The following MERTK variants were observed in gnomAD, a reference collection of about 807,000 sequenced individuals.
The protein encoded by MERTK is tyrosine-protein kinase Mer.
In MERTK, 69 loss-of-function variants were observed where a neutral mutation model predicts 99.3. The observed-to-expected ratio is 0.70, with a 90% confidence interval of 0.57 to 0.85. The LOEUF (loss-of-function observed/expected upper bound fraction) is 0.85. Among genes scored for constraint, MERTK ranks in the 40% least tolerant of loss-of-function variants. The pLI, the probability that MERTK is intolerant of heterozygous loss-of-function variation, is 0.00. For synonymous variants in MERTK, 426 were observed against 467.6 expected, an observed-to-expected ratio of 0.91 and a Z score of 1.15; for missense variants, 1,125 against 1,249.4, an observed-to-expected ratio of 0.90 and a Z score of 1.50.
At chr2:111,899,330 CA>C (rs372816330) in intron 1 of MERTK, among the ~76,000 whole-genome samples, 6 of 151,934 alleles carry the variant, frequency 3.9e-5, no homozygotes, top group South Asian at 2.1e-4. Context: ...AGCGACGGGC[CA>C]GGGGGGGACG....
intron 1 of MERTK, among the ~76,000 whole-genome samples, chr2:111,906,537 C>T (rs1026303374): frequency 1.3e-5 from 2 of 152,172 alleles, no homozygotes; most frequent in African/African-American, 4.8e-5. Context: ...GTCACTGTGC[C>T]GCTTAGGGAA....
In MERTK at chr2:111,917,367, G is replaced by A. The variant is rs371745781; in HGVS notation, c.62-11753G>A. ...TTCTCACTTGACTTTTGCTGGTGTGGATGGGGACGGGGCCGTGATGTGTTT... is the reference window on the plus strand; with the variant it reads ...TTCTCACTTGACTTTTGCTGGTGTGAATGGGGACGGGGCCGTGATGTGTTT... On this transcript the variant is annotated intron_variant, in intron 1 of 18. Coordinates refer to ENST00000295408, the MANE Select transcript of MERTK (RefSeq NM_006343.3). Among the ~76,000 whole-genome samples the A allele has an allele frequency of 2.6e-5, 4 of 152,260 alleles. No individual in the cohort carries two copies. The South Asian group carries it at 6.2e-4, about 24-fold the overall frequency.
At chr2:112,028,326 C>T (rs1677511783) in intron 18 of MERTK, 25 bp from the exon 19 acceptor site, 1 of 1,612,116 alleles carries the variant, frequency 6.2e-7, no homozygotes, top group African/African-American at 1.3e-5. Context: ...TGCTGGGAGA[C>T]AATCCACTTC....
intron 1 of MERTK, among the ~76,000 whole-genome samples, chr2:111,910,759 C>T (rs778829649): frequency 7.2e-5 from 11 of 152,034 alleles, no homozygotes; most frequent in Non-Finnish European, 1.5e-4. Flanking sequence ...CACATGTCCT[C>T]ACTCATAGGT....
At chr2:112,022,083 T>C in intron 17 of MERTK, among the ~76,000 whole-genome samples, 175 bp from the exon 18 acceptor site, 1 of 152,198 alleles carries the variant, frequency 6.6e-6, no homozygotes, top group Non-Finnish European at 1.5e-5. Context: ...AGTGGGGAAC[T>C]GTGACACTCC....
At chr2:111,900,444 T>C (rs1238504923) in intron 1 of MERTK, among the ~76,000 whole-genome samples, 1 of 152,216 alleles carries the variant, frequency 6.6e-6, no homozygotes, top group Non-Finnish European at 1.5e-5. Context: ...GCAAATCTGT[T>C]ATTTGTTGCT....
intron 2 of MERTK, among the ~76,000 whole-genome samples, chr2:111,933,455 T>A (rs1453848694): frequency 6.6e-6 from 1 of 152,162 alleles, no homozygotes; most frequent in Non-Finnish European, 1.5e-5. Flanking sequence ...GCAATTAAAA[T>A]CACTAGGGGC....
intron 2 of MERTK, 149 bp downstream of exon 2, chr2:111,929,689 C>T (rs1332378438): frequency 2.0e-5 from 11 of 546,820 alleles, no homozygotes; most frequent in Non-Finnish European, 2.8e-5. Context: ...TGAGTTCAAA[C>T]GATTCTCCTG....
chr2:111,980,205 T>TA (rs1369272463), intron 7 of MERTK, among the ~76,000 whole-genome samples: 1 of 152,128 alleles, frequency 6.6e-6, no homozygotes, highest in East Asian at 1.9e-4. Context: ...GAGGGGAAGG[T>TA]AGAGTCCTTG....
intron 13 of MERTK, among the ~76,000 whole-genome samples, chr2:112,004,738 C>T (rs1254548437): frequency 2.0e-5 from 3 of 152,044 alleles, no homozygotes; most frequent in South Asian, 2.1e-4. Context: ...GGTGAAACCC[C>T]GTCTCCACTA....
Position 111,971,848 on chromosome 2 carries a change from T to C in MERTK, c.961-3441T>C, listed in dbSNP as rs117910730. 3.2e-4 allele frequency among the ~76,000 whole-genome samples: 49 copies of C among 152,360 alleles called. 1 individual carries two copies. The East Asian group carries it at 7.9e-3, about 25-fold the overall frequency. ...TTAGAGTCTTCAGTCTTCTGTTGCC[T>C]TGCTGATACTCTGTCTCATGGTTCC... On this transcript the variant is annotated intron_variant, in intron 6 of 18. Transcript: ENST00000295408.
rs1394373348 is a variant in MERTK, at chr2:112,019,140, A to T, written c.2080-273A>T. On this transcript the variant is annotated intron_variant, in intron 15 of 18. Transcript: ENST00000295408. ...ACACGGAAGGATCACGTTTGACCTC[A>T]TACCTTCTAAAAAGAAACAATGTCA... Among the ~76,000 whole-genome samples the T allele has an allele frequency of 3.3e-5, 5 of 152,294 alleles. No homozygotes were observed. The East Asian group carries it at 7.7e-4, about 24-fold the overall frequency.
At chr2:111,974,251 AAG>A (rs1408556821) in intron 6 of MERTK, among the ~76,000 whole-genome samples, 9 of 148,954 alleles carry the variant, frequency 6.0e-5, no homozygotes, top group African/African-American at 2.2e-4. Context: ...AAAAAAAAAA[AAG>A]TTAGCCAGGC....
intron 1 of MERTK, among the ~76,000 whole-genome samples, chr2:111,916,828 T>A (rs1684359649): frequency 6.6e-6 from 1 of 152,200 alleles, no homozygotes; most frequent in Admixed American, 6.5e-5. Flanking sequence ...TTCCTCTGAC[T>A]TGCTCTGGCT....
intron 1 of MERTK, among the ~76,000 whole-genome samples, chr2:111,910,764 A>G (rs7349221): frequency 0.23 from 34,938 of 152,022 alleles, 4,330 homozygotes; most frequent in Middle Eastern, 0.37. Context: ...GTCCTCACTC[A>G]TAGGTGGAAG....
intron 8 of MERTK, among the ~76,000 whole-genome samples, chr2:111,993,211 G>A (rs1355683119): frequency 6.6e-6 from 1 of 152,176 alleles, no homozygotes; most frequent in Non-Finnish European, 1.5e-5. Context: ...TCCACTGCCT[G>A]TTTAAATTTA....
intron 15 of MERTK, among the ~76,000 whole-genome samples, chr2:112,012,926 C>T (rs1677135612): frequency 6.6e-6 from 1 of 152,092 alleles, no homozygotes; most frequent in Non-Finnish European, 1.5e-5. Context: ...ATGTGAGACC[C>T]AATTTAGGGT....
At chr2:111,907,014 C>A (rs776345088) in intron 1 of MERTK, among the ~76,000 whole-genome samples, 2 of 151,844 alleles carry the variant, frequency 1.3e-5, no homozygotes, top group Non-Finnish European at 2.9e-5. Flanking sequence ...GGACACAGAG[C>A]CTCAGCCTGA....
intron 4 of MERTK, among the ~76,000 whole-genome samples, chr2:111,960,682 C>A (rs1434331583): frequency 6.6e-6 from 1 of 151,408 alleles, no homozygotes; most frequent in African/African-American, 2.4e-5. Flanking sequence ...CCAATAAGTT[C>A]CCATGGTTTA....
Sources: gnomAD v4.1 joint callset for allele counts (sites outside exome capture counted in the v4.1 genomes callset) on GRCh38, gnomAD v4.1.1 for gene constraint, MANE v1.5 for transcripts, NCBI Gene and HGNC (gene_info 2026-07-23, HGNC 2026-07-21) for gene names.